Variants in B3GALT1 observed in about 807,000 individuals in gnomAD.
The protein encoded by B3GALT1 is beta-1,3-galactosyltransferase 1.
A neutral mutation model predicts 23.2 loss-of-function variants in B3GALT1; 10 were observed. The observed-to-expected ratio is 0.43, with a 90% CI of 0.27 to 0.73. The LOEUF is 0.73. B3GALT1 is among the 30% of genes least tolerant of loss of function. The pLI is 0.21. For synonymous variants in B3GALT1, 156 were observed against 141.5 expected, an observed-to-expected ratio of 1.10 and a Z score of -0.73; for missense variants, 299 against 405.4, an observed-to-expected ratio of 0.74 and a Z score of 2.25.
intron 3 of B3GALT1, among the ~76,000 whole-genome samples, chr2:167,806,050 TG>T (rs1472293956): frequency 1.3e-5 from 2 of 152,158 alleles, no homozygotes; most frequent in Non-Finnish European, 2.9e-5. Context: ...TCACATCCCT[TG>T]TAAGTTGGAT....
chr2:167,533,010 C>T (rs536436817), intron 2 of B3GALT1, among the ~76,000 whole-genome samples: 4 of 150,404 alleles, frequency 2.7e-5, no homozygotes, highest in Admixed American at 6.6e-5. Flanking sequence ...TATAGGCATG[C>T]GCCATCACGC....
intron 4 of B3GALT1, among the ~76,000 whole-genome samples, chr2:167,841,626 C>A (rs949895830): frequency 6.6e-6 from 1 of 152,204 alleles, no homozygotes; most frequent in Non-Finnish European, 1.5e-5. Context: ...GGACAGAAGG[C>A]CCCTTCCAGC....
At chr2:167,773,260 T>TA (rs1236218823) in intron 3 of B3GALT1, among the ~76,000 whole-genome samples, 1 of 152,194 alleles carries the variant, frequency 6.6e-6, no homozygotes, top group African/African-American at 2.4e-5. Context: ...TATTTGAATA[T>TA]AAAAATGCAA....
At chr2:167,706,138 C>T (rs1022960574) in intron 3 of B3GALT1, among the ~76,000 whole-genome samples, 2 of 152,140 alleles carry the variant, frequency 1.3e-5, no homozygotes, top group Non-Finnish European at 2.9e-5. Flanking sequence ...TGAAAGAGCA[C>T]AAGATACAGA....
chr2:167,819,613 T>G (rs1169476185), intron 4 of B3GALT1, among the ~76,000 whole-genome samples: 2 of 152,206 alleles, frequency 1.3e-5, no homozygotes, highest in Non-Finnish European at 2.9e-5. Context: ...TTACTTAACC[T>G]TTCTAAACTA....
chr2:167,325,427 A>G (rs956184910), intron 1 of B3GALT1, among the ~76,000 whole-genome samples: 9 of 151,894 alleles, frequency 5.9e-5, no homozygotes, highest in Non-Finnish European at 7.4e-5. Flanking sequence ...GAGCGGGAAG[A>G]AGAGAGAGAG....
At chr2:167,758,507 C>T (rs1574247914) in intron 3 of B3GALT1, among the ~76,000 whole-genome samples, 4 of 152,168 alleles carry the variant, frequency 2.6e-5, no homozygotes, top group Admixed American at 2.6e-4. Context: ...ACTGGATCCT[C>T]ACTAAGGACA....
intron 2 of B3GALT1, among the ~76,000 whole-genome samples, chr2:167,580,943 G>T (rs558868978): frequency 2.4e-4 from 36 of 152,228 alleles, no homozygotes; most frequent in African/African-American, 8.4e-4. Context: ...TTATATATTT[G>T]ATTTTTTAAA....
chr2:167,625,574 T>C (rs995629834), intron 2 of B3GALT1, among the ~76,000 whole-genome samples: 3 of 151,802 alleles, frequency 2.0e-5, no homozygotes, highest in Middle Eastern at 3.2e-3. Flanking sequence ...CACCCTGATA[T>C]TTATTTTCAC....
chr2:167,777,869 T>G (rs780072380), intron 3 of B3GALT1, among the ~76,000 whole-genome samples: 1 of 152,024 alleles, frequency 6.6e-6, no homozygotes, highest in African/African-American at 2.4e-5. Context: ...TTTTTTGCCC[T>G]CAGGGGACAT....
At position 167,869,942 on chromosome 2, in the gene B3GALT1, C is replaced by T; in HGVS notation, c.903C>T (p.Ile301=). The change falls in exon 5 of 5, where the codon ATC becomes ATT. Residue 301 remains isoleucine (I), a synonymous_variant. Coordinates refer to ENST00000392690, the MANE Select transcript of B3GALT1 (RefSeq NM_020981.4). This position sits in a 1 kb window ranked among gnomAD's most constrained non-coding sequence, Gnocchi z 6.4. ...AYSLCRYRRV[I]TVHQISPEEM... is the part of the protein sequence containing the mutation. The stretch of plus-strand genomic sequence containing the variant: ...GTTTGTGTAGGTATCGCCGAGTTAT[C>T]ACTGTGCATCAGATCTCTCCAGAAG... 6.2e-7 allele frequency: 1 copy of T among 1,614,090 alleles called. No homozygotes were observed. Among genetic ancestry groups the T allele is most frequent in the Non-Finnish European group, 8.5e-7 (1 of 1,179,990 alleles).
At position 167,508,418 on chromosome 2, in the gene B3GALT1, C is replaced by T. The variant is rs570601372; in HGVS notation, c.-410+18141C>T. On this transcript the variant is annotated intron_variant, in intron 2 of 4. Transcript: ENST00000392690. ...GGACTACAGGCACCCGCCACCACTCCCGGCTAATTTTTTATATTTTTAGTA... is the reference window on the plus strand; with the variant it reads ...GGACTACAGGCACCCGCCACCACTCTCGGCTAATTTTTTATATTTTTAGTA... Among the ~76,000 whole-genome samples the T allele has an allele frequency of 3.3e-5, 5 of 151,832 alleles. No homozygotes were observed. The East Asian group carries it at 9.7e-4, about 30-fold the overall frequency.
intron 3 of B3GALT1, among the ~76,000 whole-genome samples, chr2:167,689,953 G>A (rs934732042): frequency 6.6e-6 from 1 of 152,088 alleles, no homozygotes; most frequent in Non-Finnish European, 1.5e-5. Context: ...GCAGAAATGG[G>A]AATAAGGGAA....
intron 1 of B3GALT1, among the ~76,000 whole-genome samples, chr2:167,323,745 C>T (rs1696847163): frequency 6.6e-6 from 1 of 152,146 alleles, no homozygotes; most frequent in South Asian, 2.1e-4. Context: ...TTTTTCATTA[C>T]TAAAATAAGA....
intron 3 of B3GALT1, chr2:167,715,457 C>T (rs1378366100): frequency 2.4e-5 from 39 of 1,606,340 alleles, no homozygotes; most frequent in Non-Finnish European, 3.2e-5. Flanking sequence ...TATCGCCCGT[C>T]GTTCTTCAGT....
At chr2:167,652,006 C>T (rs755133610) in intron 3 of B3GALT1, among the ~76,000 whole-genome samples, 3 of 152,096 alleles carry the variant, frequency 2.0e-5, no homozygotes, top group Non-Finnish European at 4.4e-5. Flanking sequence ...ATTCTGAATG[C>T]TTACAATAGA....
chr2:167,338,270 A>C (rs935900070), intron 1 of B3GALT1, among the ~76,000 whole-genome samples: 2 of 152,198 alleles, frequency 1.3e-5, no homozygotes, highest in Non-Finnish European at 2.9e-5. Context: ...TTGGTCTTGC[A>C]TACAAAGCTT....
At chr2:167,380,744 C>A (rs1048234338) in intron 1 of B3GALT1, among the ~76,000 whole-genome samples, 5 of 152,148 alleles carry the variant, frequency 3.3e-5, no homozygotes, top group African/African-American at 1.2e-4. Context: ...CTCTCCCTTG[C>A]CCTGGGTTGT....
intron 2 of B3GALT1, among the ~76,000 whole-genome samples, chr2:167,491,594 C>G (rs1248753746): frequency 6.7e-6 from 1 of 149,658 alleles, no homozygotes; most frequent in Non-Finnish European, 1.5e-5. Context: ...GCGGGCAGAT[C>G]ACGAGGTCAG....
Sources: gnomAD v4.1 joint callset for allele counts (sites outside exome capture counted in the v4.1 genomes callset) on GRCh38, gnomAD v4.1.1 for gene constraint, Gnocchi (gnomAD v3.1) non-coding constraint, MANE v1.5 for transcripts, NCBI Gene and HGNC (gene_info 2026-07-23, HGNC 2026-07-21) for gene names.